SLC5A11: variants seen among roughly 807,000 people sequenced by gnomAD.
SLC5A11 encodes sodium/myo-inositol cotransporter 2.
SLC5A11 carries 48 observed loss-of-function variants against 69.8 expected under a neutral mutation model. That is an observed-to-expected ratio of 0.69 (90% CI 0.55 to 0.87). The LOEUF (loss-of-function observed/expected upper bound fraction) is 0.87, where lower values mean the gene tolerates loss of function less well. Among genes scored for constraint, SLC5A11 ranks in the 40% least tolerant of loss-of-function variants. The probability of loss-of-function intolerance (pLI) is 0.00; values close to 1 mark genes in which losing one functional copy is unlikely to be tolerated. For missense variants in SLC5A11, 784 were observed against 866.1 expected, an observed-to-expected ratio of 0.91 and a Z score of 1.19; for synonymous variants, 319 against 342.4, an observed-to-expected ratio of 0.93 and a Z score of 0.75.
At chr16:24,863,630 T>C (rs143283848) in intron 3 of SLC5A11, among the ~76,000 whole-genome samples, 279 of 150,986 alleles carry the variant, frequency 1.8e-3, no homozygotes, top group African/African-American at 6.5e-3. Context: ...CTCTCCTCCA[T>C]AAAAGCTATG....
At chr16:24,859,852 A>C (rs2059686392) in intron 2 of SLC5A11, among the ~76,000 whole-genome samples, 1 of 152,206 alleles carries the variant, frequency 6.6e-6, no homozygotes, top group Non-Finnish European at 1.5e-5. Flanking sequence ...AAACTATACT[A>C]TAATAAACAA....
intron 5 of SLC5A11, among the ~76,000 whole-genome samples, chr16:24,874,212 T>C (rs2047519453): frequency 6.6e-6 from 1 of 152,212 alleles, no homozygotes; most frequent in Non-Finnish European, 1.5e-5. Flanking sequence ...CACATTCCAA[T>C]ATATTTATCC....
At chr16:24,887,970 T>C (rs1379747299) in intron 8 of SLC5A11, among the ~76,000 whole-genome samples, 1 of 152,166 alleles carries the variant, frequency 6.6e-6, no homozygotes, top group African/African-American at 2.4e-5. Flanking sequence ...GAAGCTGTTA[T>C]AGGTTGACAG....
chr16:24,889,543 A>ATT (rs71156454), intron 8 of SLC5A11, among the ~76,000 whole-genome samples: 6,103 of 74,332 alleles, frequency 0.082, 1,450 homozygotes, highest in African/African-American at 0.25. Flanking sequence ...AGGTCTTACA[A>ATT]TTTTTTTTTT....
chr16:24,858,545 A>T, intron 1 of SLC5A11, 75 bp from the exon 3 acceptor site: 2 of 1,362,692 alleles, frequency 1.5e-6, no homozygotes, highest in Non-Finnish European at 2.0e-6. Flanking sequence ...TGGATGGCCT[A>T]GGGAGGTAGC....
intron 1 of SLC5A11, among the ~76,000 whole-genome samples, chr16:24,847,594 G>T (rs1365116243): frequency 6.6e-6 from 1 of 152,044 alleles, no homozygotes; most frequent in African/African-American, 2.4e-5. Flanking sequence ...GAACTCAAGC[G>T]ATTCTCCCGC....
chr16:24,864,752 C>G (rs2046816206), intron 3 of SLC5A11, among the ~76,000 whole-genome samples: 1 of 151,888 alleles, frequency 6.6e-6, no homozygotes, highest in Non-Finnish European at 1.5e-5. Flanking sequence ...GTCTTGAAGA[C>G]TAAAGAAAAG....
intron 1 of SLC5A11, among the ~76,000 whole-genome samples, chr16:24,847,387 C>G (rs1393246738): frequency 6.7e-6 from 1 of 150,178 alleles, no homozygotes; most frequent in African/African-American, 2.5e-5. Context: ...TTTGCCTCCT[C>G]TCTCTCTCTG....
intron 9 of SLC5A11, among the ~76,000 whole-genome samples, chr16:24,893,926 C>A (rs2048980676): frequency 6.6e-6 from 1 of 152,172 alleles, no homozygotes; most frequent in African/African-American, 2.4e-5. Flanking sequence ...CTATCTAATC[C>A]TACTCTCATC....
chr16:24,901,149 G>A (rs932206009), intron 10 of SLC5A11, among the ~76,000 whole-genome samples: 1 of 151,996 alleles, frequency 6.6e-6, no homozygotes, highest in Non-Finnish European at 1.5e-5. Flanking sequence ...TGTAAAATGG[G>A]GGTAATATTT....
Position 24,893,601 on chromosome 16 carries a change from C to T in SLC5A11, c.870+2527C>T, listed in dbSNP as rs184492729. Among the ~76,000 whole-genome samples, 48 of 152,028 alleles carry T rather than the reference C, an allele frequency of 3.2e-4. No homozygotes were observed. The East Asian group carries it at 8.3e-3, about 26-fold the overall frequency. On this transcript the variant is annotated intron_variant, in intron 9 of 15. Coordinates refer to ENST00000347898, the Ensembl canonical transcript of SLC5A11. ...TATTTTTAGTTTTGAGACAGAGTCT[C>T]GCTCTGTTGCCCAGGCTGGAGTAAA...
At chr16:24,891,161 T>C in intron 9 of SLC5A11, 87 bp downstream of exon 10, 1 of 1,321,848 alleles carries the variant, frequency 7.6e-7, no homozygotes, top group East Asian at 2.3e-5. Context: ...TCTTCCTCCA[T>C]CTCTTCTCTC....
chr16:24,869,676 G>A (rs1180237768), intron 3 of SLC5A11, among the ~76,000 whole-genome samples: 2 of 152,184 alleles, frequency 1.3e-5, no homozygotes, highest in Non-Finnish European at 2.9e-5. Context: ...CTGTAGTCCT[G>A]AATATTTATT....
At chr16:24,895,494 AGAAAG>A (rs1292746919) in intron 9 of SLC5A11, among the ~76,000 whole-genome samples, 1 of 151,516 alleles carries the variant, frequency 6.6e-6, no homozygotes, top group Non-Finnish European at 1.5e-5. Flanking sequence ...ATCTCAAAAA[AGAAAG>A]GAAAAGAAAA....
intron 3 of SLC5A11, among the ~76,000 whole-genome samples, chr16:24,867,689 A>G (rs908975993): frequency 1.3e-5 from 2 of 152,198 alleles, no homozygotes; most frequent in Non-Finnish European, 2.9e-5. Flanking sequence ...GGGAATTTCC[A>G]TCAACATTAT....
At chr16:24,873,265 GGA>G (rs1491094923) in intron 5 of SLC5A11, among the ~76,000 whole-genome samples, 1 of 143,800 alleles carries the variant, frequency 7.0e-6, no homozygotes. Context: ...AAGGAAGGAA[GGA>G]AGGAAGGAAG....
chr16:24,911,039 C>T (rs1046345877), intron 15 of SLC5A11, among the ~76,000 whole-genome samples: 3 of 151,810 alleles, frequency 2.0e-5, no homozygotes, highest in Admixed American at 6.6e-5. Flanking sequence ...CATGGTAGCG[C>T]ATGCCTATAG....
chr16:24,870,764 A>T (rs889844368), intron 4 of SLC5A11, among the ~76,000 whole-genome samples: 2 of 121,724 alleles, frequency 1.6e-5, no homozygotes, highest in Non-Finnish European at 3.2e-5. Flanking sequence ...TGGGCGACAG[A>T]GTGAGACTCT....
chr16:24,866,740 A>G (rs748950546), intron 3 of SLC5A11, among the ~76,000 whole-genome samples: 2 of 152,146 alleles, frequency 1.3e-5, no homozygotes, highest in Non-Finnish European at 2.9e-5. Flanking sequence ...CTATACTAAT[A>G]CCAGACAAAA....
Sources: allele counts gnomAD v4.1 joint callset (sites outside exome capture counted in the v4.1 genomes callset), GRCh38; gene constraint gnomAD v4.1.1; transcripts MANE v1.5; gene names NCBI Gene and HGNC (gene_info 2026-07-23, HGNC 2026-07-21).